EYS: variants seen among roughly 807,000 people sequenced by gnomAD.
EYS encodes the protein protein eyes shut homolog.
A neutral mutation model predicts 282.1 loss-of-function variants in EYS; 250 were observed. The observed-to-expected ratio is 0.89, with a 90% CI of 0.80 to 0.98. The LOEUF is 0.98. EYS is among the 50% of genes least tolerant of loss of function. The pLI, the probability that EYS is intolerant of heterozygous loss-of-function variation, is 0.00. For missense variants in EYS, 4,016 were observed against 3,709.0 expected, an observed-to-expected ratio of 1.08 and a Z score of -2.15; for synonymous variants, 1,355 against 1,282.9, an observed-to-expected ratio of 1.06 and a Z score of -1.20.
In EYS at chr6:63,721,636, G is replaced by A; in HGVS notation, c.8395C>T (p.Leu2799=). The change falls in exon 43 of 43, where the codon CTA becomes TTA. Residue 2799 remains leucine (L), a synonymous_variant. Transcript: ENST00000503581. ...TTTTCTGTTACATTTATCCCATCTA[G>A]ATCCAGGTAGCCTTCTGCACCAACT... The part of the protein sequence containing the change: ...GRVGAEGYLD[L]DGINVTEKAS... 1 of 1,551,188 alleles carries A rather than the reference G, an allele frequency of 6.4e-7. No homozygotes were observed. Among genetic ancestry groups the A allele is most frequent in the South Asian group, 1.2e-5 (1 of 84,038 alleles).
chr6:63,908,894 G>T (rs1773849913), intron 35 of EYS, among the ~76,000 whole-genome samples: 1 of 152,160 alleles, frequency 6.6e-6, no homozygotes, highest in Non-Finnish European at 1.5e-5. Flanking sequence ...GGGACTGAAA[G>T]AAAATTTCTG....
intron 7 of EYS, among the ~76,000 whole-genome samples, chr6:65,389,702 T>C (rs1241623098): frequency 6.6e-6 from 1 of 152,080 alleles, no homozygotes; most frequent in Non-Finnish European, 1.5e-5. Flanking sequence ...GTAATGTAAA[T>C]GAATACTGGC....
intron 30 of EYS, among the ~76,000 whole-genome samples, chr6:64,243,183 A>G (rs574100315): frequency 7.9e-5 from 12 of 151,858 alleles, no homozygotes; most frequent in Admixed American, 5.9e-4. Flanking sequence ...AACCCAATAC[A>G]CTTTCATTGC....
At chr6:64,730,805 G>T (rs1234274708) in intron 22 of EYS, 1 of 152,108 alleles carries the variant, frequency 6.6e-6, no homozygotes, top group African/African-American at 2.4e-5. Context: ...ATGGTGACAA[G>T]AGCAAACTGT....
rs537540635 is a variant in EYS, at chr6:65,261,933, T to TTG, written c.2023+33929_2023+33930insCA. On this transcript the variant is annotated intron_variant, in intron 12 of 42. Transcript: ENST00000503581. ...AATTTGCTTTTCCAATTGAACAAGG[T>TTG]CTACTAACATTATATTTATGGACAC... 4.1e-3 allele frequency among the ~76,000 whole-genome samples: 626 copies of TTG among 152,192 alleles called. 2 individuals carry two copies. Among genetic ancestry groups the TTG allele is most frequent in the Middle Eastern group, 0.017 (5 of 294 alleles).
At chr6:64,503,321 G>GA (rs923770659) in intron 26 of EYS, among the ~76,000 whole-genome samples, 69 of 150,786 alleles carry the variant, frequency 4.6e-4, no homozygotes, top group Admixed American at 9.2e-4. Context: ...TGATTTGAAG[G>GA]AAAAAAAAAT....
chr6:65,630,602 C>A (rs747009419), intron 2 of EYS, among the ~76,000 whole-genome samples: 1 of 152,166 alleles, frequency 6.6e-6, no homozygotes, highest in Admixed American at 6.5e-5. Context: ...ATACATTTGA[C>A]AGAACTTCTA....
intron 35 of EYS, among the ~76,000 whole-genome samples, chr6:63,906,040 C>A (rs1581960347): frequency 6.6e-6 from 1 of 152,160 alleles, no homozygotes. Flanking sequence ...GCAATGTATG[C>A]CACCTGGAAG....
At chr6:64,134,181 A>C (rs1774084041) in intron 31 of EYS, among the ~76,000 whole-genome samples, 1 of 151,948 alleles carries the variant, frequency 6.6e-6, no homozygotes, top group Non-Finnish European at 1.5e-5. Context: ...TTTGAAATTT[A>C]TTTTTACTTC....
chr6:65,341,040 T>C (rs1212601470), intron 10 of EYS, among the ~76,000 whole-genome samples: 1 of 150,980 alleles, frequency 6.6e-6, no homozygotes, highest in Non-Finnish European at 1.5e-5. Context: ...AATTCGAATA[T>C]ATACAAATAG....
At chr6:64,078,385 G>A (rs1562188860) in intron 32 of EYS, among the ~76,000 whole-genome samples, 1 of 151,930 alleles carries the variant, frequency 6.6e-6, no homozygotes, top group African/African-American at 2.4e-5. Flanking sequence ...TATCCCCTAA[G>A]TTAAGGGACA....
At chr6:63,771,157 G>A (rs555468587) in intron 40 of EYS, among the ~76,000 whole-genome samples, 1 of 152,152 alleles carries the variant, frequency 6.6e-6, no homozygotes, top group African/African-American at 2.4e-5. Context: ...TACATGAGCT[G>A]CTTGGAGTAG....
chr6:64,114,941 C>G (rs1450150868), intron 31 of EYS, among the ~76,000 whole-genome samples: 1 of 152,128 alleles, frequency 6.6e-6, no homozygotes, highest in Non-Finnish European at 1.5e-5. Flanking sequence ...CCCTGCAGCC[C>G]CATACATGCC....
chr6:64,514,250 A>G (rs551711747), intron 26 of EYS, among the ~76,000 whole-genome samples: 1 of 151,892 alleles, frequency 6.6e-6, no homozygotes, highest in Non-Finnish European at 1.5e-5. Context: ...AAATATGTAA[A>G]ACCAAGTGTG....
chr6:63,837,023 G>A (rs1408886285), intron 36 of EYS, among the ~76,000 whole-genome samples: 1 of 151,570 alleles, frequency 6.6e-6, no homozygotes, highest in Non-Finnish European at 1.5e-5. Context: ...TTTTTGTTTT[G>A]TATTCTCCAC....
intron 26 of EYS, among the ~76,000 whole-genome samples, chr6:64,539,178 A>G (rs1764620098): frequency 6.6e-6 from 1 of 152,208 alleles, no homozygotes; most frequent in Non-Finnish European, 1.5e-5. Flanking sequence ...GAGTGGCTGC[A>G]TGACAATGTG....
At chr6:65,377,434 A>G (rs1181241473) in intron 8 of EYS, among the ~76,000 whole-genome samples, 1 of 152,178 alleles carries the variant, frequency 6.6e-6, no homozygotes, top group Non-Finnish European at 1.5e-5. Context: ...AAAGATCTAA[A>G]ATTGACACCC....
intron 41 of EYS, among the ~76,000 whole-genome samples, chr6:63,737,507 T>C (rs1768949231): frequency 6.6e-6 from 1 of 152,180 alleles, no homozygotes; most frequent in Non-Finnish European, 1.5e-5. Flanking sequence ...TTATTGAGGA[T>C]TTTTGCATCA....
chr6:64,917,620 A>G (rs1325892980), intron 15 of EYS, among the ~76,000 whole-genome samples: 1 of 152,188 alleles, frequency 6.6e-6, no homozygotes, highest in African/African-American at 2.4e-5. Context: ...CAACAAACCA[A>G]TTGTACATGA....
Sources: allele counts gnomAD v4.1 joint callset (sites outside exome capture counted in the v4.1 genomes callset), GRCh38; gene constraint gnomAD v4.1.1; transcripts MANE v1.5; gene names NCBI Gene and HGNC (gene_info 2026-07-23, HGNC 2026-07-21).